Variants in TEX14 observed in about 807,000 individuals in gnomAD.
The protein encoded by TEX14 is inactive serine/threonine-protein kinase TEX14.
TEX14 carries 168 observed loss-of-function variants against 178.6 expected under a neutral mutation model. That is an observed-to-expected ratio of 0.94 (90% CI 0.83 to 1.07). The LOEUF is 1.07. TEX14 is among the 50% of genes least tolerant of loss of function. The pLI, the probability that TEX14 is intolerant of heterozygous loss-of-function variation, is 0.00. For synonymous variants in TEX14, 626 were observed against 634.1 expected, an observed-to-expected ratio of 0.99 and a Z score of 0.19; for missense variants, 1,730 against 1,753.6, an observed-to-expected ratio of 0.99 and a Z score of 0.24.
intron 1 of TEX14, among the ~76,000 whole-genome samples, chr17:58,658,383 C>T (rs952654635): frequency 1.8e-4 from 25 of 141,144 alleles, no homozygotes; most frequent in Non-Finnish European, 3.2e-4. Context: ...CACCTGTGCA[C>T]CGGCTTTTTT....
chr17:58,630,333 G>T (rs1447985774), intron 3 of TEX14, 107 bp downstream of exon 3: 3 of 788,348 alleles, frequency 3.8e-6, no homozygotes, highest in Non-Finnish European at 6.3e-6. Context: ...TGGGATTATA[G>T]GTATGAGACA....
At chr17:58,632,402 G>C (rs2046342979) in intron 2 of TEX14, among the ~76,000 whole-genome samples, 1 of 152,142 alleles carries the variant, frequency 6.6e-6, no homozygotes. Flanking sequence ...CTGTTGCCCA[G>C]GGTGGCCTTG....
chr17:58,629,918 C>CTT (rs1196670899), intron 3 of TEX14, among the ~76,000 whole-genome samples: 6 of 116,740 alleles, frequency 5.1e-5, no homozygotes, highest in Non-Finnish European at 7.2e-5. Flanking sequence ...TTTTTTTTTC[C>CTT]TTTTTTTTTT....
At position 58,561,558 on chromosome 17, in the gene TEX14, C is replaced by T. The variant is rs753258004; in HGVS notation, c.4119G>A (p.Glu1373=). The change falls in exon 29 of 32, where the codon GAG becomes GAA. Residue 1373 remains glutamate (E), a synonymous_variant. Coordinates refer to ENST00000349033, the MANE Select transcript of TEX14 (RefSeq NM_031272.5). ...TGGGAAGGTCTTGTAGCTCCACGCTCTCCTCAGGTGGCTGCAGCCATCTTT... is the reference window on the plus strand; with the variant it reads ...TGGGAAGGTCTTGTAGCTCCACGCTTTCCTCAGGTGGCTGCAGCCATCTTT... ...DLERWLQPPE[E]SVELQDLPKG... is the part of the protein sequence containing the mutation. 11 of 1,613,970 alleles carry T rather than the reference C, an allele frequency of 6.8e-6. No individual in the cohort carries two copies. Among genetic ancestry groups the T allele is most frequent in the Admixed American group, 3.3e-5 (2 of 60,012 alleles).
chr17:58,574,040 G>T, intron 22 of TEX14, 147 bp downstream of exon 22: 1 of 659,662 alleles, frequency 1.5e-6, no homozygotes. Flanking sequence ...TCACCAATTT[G>T]ATAACAACTT....
At chr17:58,559,398 G>A in intron 30 of TEX14, 55 bp downstream of exon 30, 1 of 740,690 alleles carries the variant, frequency 1.4e-6, no homozygotes, top group South Asian at 1.7e-5. Context: ...TAACTTTGAA[G>A]CACATCAAAG....
At chr17:58,617,170 C>T (rs753907549) in intron 6 of TEX14, among the ~76,000 whole-genome samples, 3 of 152,110 alleles carry the variant, frequency 2.0e-5, no homozygotes, top group South Asian at 2.1e-4. Context: ...ATTGCTTGAA[C>T]CCAGTAGGCA....
In TEX14 at chr17:58,615,363, A is replaced by T; in HGVS notation, c.768-18T>A. 4.0e-6 allele frequency: 6 copies of T among 1,497,884 alleles called. No individual in the cohort carries two copies. Among genetic ancestry groups the T allele is most frequent in the Non-Finnish European group, 5.6e-6 (6 of 1,074,396 alleles). 92.8% of individuals were successfully genotyped at this position (1,497,884 alleles called of 1,614,324 possible). ...ACACTAGGCTACAAGGACAGGAAAGAGTTTCAGCAGAAAGGAGTGAGCAGC... is the reference window on the plus strand; with the variant it reads ...ACACTAGGCTACAAGGACAGGAAAGTGTTTCAGCAGAAAGGAGTGAGCAGC... On this transcript the variant is annotated intron_variant, in intron 7 of 31. Coordinates refer to ENST00000349033, the MANE Select transcript of TEX14 (RefSeq NM_031272.5).
intron 1 of TEX14, chr17:58,660,847 C>A (rs1397571267): frequency 1.3e-6 from 1 of 790,212 alleles, no homozygotes; most frequent in Non-Finnish European, 2.3e-6. Flanking sequence ...TGGCTTGCGC[C>A]ATGTTCCGAG....
At position 58,569,433 on chromosome 17, in the gene TEX14, G is replaced by A. The variant is rs112698140; in HGVS notation, c.3818-173C>T. On this transcript the variant is annotated intron_variant, in intron 25 of 31. Transcript: ENST00000349033. The surrounding 1 kb of genome is among the most constrained non-coding windows in gnomAD (Gnocchi z 4.1). ...TTCCAGTAGAGACCTCCTAACATGT[G>A]AATGGCCTTTACTCCCCACTTCTAC... Among the ~76,000 whole-genome samples, 3,531 of 152,214 alleles carry A rather than the reference G, an allele frequency of 0.023. 139 individuals are homozygous for A. Among genetic ancestry groups the A allele is most frequent in the African/African-American group, 0.08 (3,317 of 41,516 alleles).
intron 1 of TEX14, among the ~76,000 whole-genome samples, chr17:58,667,204 G>A (rs2047228737): frequency 6.6e-6 from 1 of 152,162 alleles, no homozygotes; most frequent in African/African-American, 2.4e-5. Context: ...TCCAAGAAGG[G>A]GAACAGGGCA....
At chr17:58,651,296 C>T (rs2046835363) in intron 2 of TEX14, among the ~76,000 whole-genome samples, 1 of 152,036 alleles carries the variant, frequency 6.6e-6, no homozygotes, top group African/African-American at 2.4e-5. Context: ...AGAAAAAAAA[C>T]AGGAGCCAAA....
intron 2 of TEX14, among the ~76,000 whole-genome samples, chr17:58,647,632 A>C (rs1177941568): frequency 7.5e-5 from 11 of 146,668 alleles, no homozygotes; most frequent in Non-Finnish European, 3.0e-5. Context: ...AAAAAAAAAA[A>C]TTTGTTCCAC....
At chr17:58,564,096 ATGAGGCAGCTGCTATGGAAAATAG>A (rs2044347538) in intron 28 of TEX14, 1 of 152,162 alleles carries the variant, frequency 6.6e-6, no homozygotes, top group African/African-American at 2.4e-5. Flanking sequence ...GGACTGTAAA[ATGAGGCAGCTGCTATGGAAAATAG>A]TGTGGCAGTT....
At chr17:58,576,414 G>A (rs1016153067) in intron 21 of TEX14, among the ~76,000 whole-genome samples, 2 of 152,176 alleles carry the variant, frequency 1.3e-5, no homozygotes, top group Non-Finnish European at 2.9e-5. Flanking sequence ...AACCCGGGAG[G>A]TGGAGGTTGC....
chr17:58,678,642 GGGT>G (rs1050236131), intron 1 of TEX14, among the ~76,000 whole-genome samples: 2 of 151,870 alleles, frequency 1.3e-5, no homozygotes, highest in African/African-American at 4.8e-5. Flanking sequence ...CTTGAACACG[GGGT>G]GGGGAACATC....
rs1337716418 is a variant in TEX14 at position 58,656,719 on chromosome 17, G to A, written c.-1-4717C>T. Among the ~76,000 whole-genome samples, 8 of 145,028 alleles carry A rather than the reference G, an allele frequency of 5.5e-5. No homozygotes were observed. The East Asian group carries it at 8.2e-4, about 15-fold the overall frequency. ...CAGTGAGCCAAGATCGCACCACTGC[G>A]CTCCAGCCTAGGCAACACAGGGACT... On this transcript the variant is annotated intron_variant, in intron 1 of 31. Coordinates refer to ENST00000349033, the MANE Select transcript of TEX14 (RefSeq NM_031272.5).
intron 17 of TEX14, 99 bp from the exon 18 acceptor site, chr17:58,586,181 T>A (rs1291649499): frequency 1.4e-5 from 18 of 1,325,140 alleles, no homozygotes; most frequent in African/African-American, 3.0e-5. Context: ...TAACTCATAG[T>A]GTAACAATTG....
chr17:58,592,971 T>C (rs1406613719), intron 15 of TEX14, among the ~76,000 whole-genome samples: 1 of 152,160 alleles, frequency 6.6e-6, no homozygotes, highest in Non-Finnish European at 1.5e-5. Flanking sequence ...TATGTGTGCA[T>C]GAATACATAT....
Sources: allele counts gnomAD v4.1 joint callset (sites outside exome capture counted in the v4.1 genomes callset), GRCh38; gene constraint gnomAD v4.1.1; non-coding constraint Gnocchi (gnomAD v3.1); transcripts MANE v1.5; gene names NCBI Gene and HGNC (gene_info 2026-07-23, HGNC 2026-07-21).